The following SH3RF1 variants were observed in gnomAD, a reference collection of about 807,000 sequenced individuals.
SH3RF1 encodes SH3 domain containing ring finger 1.
A neutral mutation model predicts 74.0 loss-of-function variants in SH3RF1; 32 were observed. The ratio of observed to expected loss-of-function variants is 0.43; its 90% CI spans 0.33 to 0.58. SH3RF1 has a LOEUF of 0.58. Among genes scored for constraint, SH3RF1 ranks in the 20% least tolerant of loss-of-function variants. The pLI is 0.05. For synonymous variants in SH3RF1, 396 were observed against 439.6 expected, an observed-to-expected ratio of 0.90 and a Z score of 1.24; for missense variants, 954 against 1,130.9, an observed-to-expected ratio of 0.84 and a Z score of 2.24.
intron 2 of SH3RF1, among the ~76,000 whole-genome samples, chr4:169,246,941 G>A (rs1273639484): frequency 2.0e-5 from 3 of 152,246 alleles, no homozygotes; most frequent in East Asian, 1.9e-4. Context: ...AAAGAGGAAG[G>A]GGGAAGCAAT....
At chr4:169,258,789 A>C (rs1731229720) in intron 2 of SH3RF1, among the ~76,000 whole-genome samples, 1 of 152,196 alleles carries the variant, frequency 6.6e-6, no homozygotes, top group Non-Finnish European at 1.5e-5. Flanking sequence ...GTTTTTAAAA[A>C]CTTTTAAAGT....
At position 169,094,415 on chromosome 4, in the gene SH3RF1, T is replaced by C. The variant is rs1210581329; in HGVS notation, c.*2104A>G. On this transcript the variant is annotated 3_prime_UTR_variant, in exon 12 of 12. Transcript: ENST00000284637. Reference sequence around the variant, plus strand: ...CCCTCTACTGTCTGCAAAAAACCAATAGAAAACCCATACATTATATTACCT... The same window carrying C: ...CCCTCTACTGTCTGCAAAAAACCAACAGAAAACCCATACATTATATTACCT... 1 of 152,048 alleles carries C rather than the reference T, an allele frequency of 6.6e-6. No homozygotes were observed. Among genetic ancestry groups the C allele is most frequent in the Non-Finnish European group, 1.5e-5 (1 of 68,012 alleles). 9.4% of individuals were successfully genotyped at this position (152,048 alleles called of 1,614,324 possible).
Position 169,174,756 on chromosome 4 carries a change from C to T in SH3RF1, c.394-18077G>A, listed in dbSNP as rs569369896. Among the ~76,000 whole-genome samples, 59 of 152,174 alleles carry T rather than the reference C, an allele frequency of 3.9e-4. 1 individual carries two copies. The South Asian group carries it at 0.011, about 28-fold the overall frequency. ...TCTTTTAAAGTTTTCTAAAGCCCCA[C>T]CCCAAACCAATTAAATAAAAATCTC... is the stretch of plus-strand genomic sequence containing the variant. On this transcript the variant is annotated intron_variant, in intron 2 of 11. Coordinates refer to ENST00000284637, the MANE Select transcript of SH3RF1 (RefSeq NM_020870.4).
chr4:169,134,038 A>G lies in SH3RF1; in HGVS notation c.1068+2280T>C, dbSNP rs560172029. 9.1e-4 allele frequency among the ~76,000 whole-genome samples: 138 copies of G among 152,280 alleles called. 1 individual carries two copies. The highest frequency in any genetic ancestry group is 3.2e-3 in the African/African-American group (135 of 41,554). On this transcript the variant is annotated intron_variant, in intron 5 of 11. Coordinates refer to ENST00000284637, the MANE Select transcript of SH3RF1 (RefSeq NM_020870.4). The stretch of plus-strand genomic sequence containing the variant: ...AAATGCTACACATGCTCAATGCTCT[A>G]TTGTGGCCTGGGGTGCCCTCCAATG...
chr4:169,222,994 C>T lies in SH3RF1; in HGVS notation c.393+45826G>A, dbSNP rs560131804. On this transcript the variant is annotated intron_variant, in intron 2 of 11. Coordinates refer to ENST00000284637, the MANE Select transcript of SH3RF1 (RefSeq NM_020870.4). Reference sequence around the variant, plus strand: ...ACCATGTGGCACCCCTCGTGGTTTGCCCAGCTGCAGCTCTTCACAAGGCGG... The same window carrying T: ...ACCATGTGGCACCCCTCGTGGTTTGTCCAGCTGCAGCTCTTCACAAGGCGG... 3.3e-5 allele frequency among the ~76,000 whole-genome samples: 5 copies of T among 152,282 alleles called. No homozygotes were observed. The South Asian group carries it at 6.2e-4, about 19-fold the overall frequency.
At chr4:169,192,842 A>AT (rs1734748206) in intron 2 of SH3RF1, among the ~76,000 whole-genome samples, 1 of 148,154 alleles carries the variant, frequency 6.7e-6, no homozygotes, top group Admixed American at 6.8e-5. Context: ...TATAGATGTG[A>AT]TATATATATC....
chr4:169,187,532 GTGTGTGTGTGTGT>G (rs1470133467), intron 2 of SH3RF1, among the ~76,000 whole-genome samples: 5 of 121,770 alleles, frequency 4.1e-5, no homozygotes, highest in African/African-American at 1.7e-4. Context: ...GTGTGTGTGT[GTGTGTGTGTGTGT>G]GTGTGTGTGT....
intron 2 of SH3RF1, among the ~76,000 whole-genome samples, chr4:169,243,400 C>T (rs931361464): frequency 1.3e-5 from 2 of 152,216 alleles, no homozygotes; most frequent in African/African-American, 4.8e-5. Flanking sequence ...GTAATCCCAG[C>T]TACTCAGGAT....
Position 169,096,654 on chromosome 4 carries a change from A to C in SH3RF1, c.2532T>G (p.Ser844Arg). ...CTTCTTTAAGTTCAAGTTCTGCCTC[A>C]CTCTGAGGAGGATAGGAAACCACCA... ...HRVVVSYPPQ[S>R]EAELELKEGD... The change falls in exon 12 of 12, where the codon AGT becomes AGG. Residue 844 changes from serine (S) to arginine (R), a missense_variant. Physicochemically the swap from Ser to Arg is moderately radical, Grantham distance 110. Coordinates refer to ENST00000284637, the MANE Select transcript of SH3RF1 (RefSeq NM_020870.4). 1 of 1,614,052 alleles carries C rather than the reference A, an allele frequency of 6.2e-7. No homozygotes were observed. The highest frequency in any genetic ancestry group is 8.5e-7 in the Non-Finnish European group (1 of 1,179,994).
intron 2 of SH3RF1, among the ~76,000 whole-genome samples, chr4:169,161,429 G>T (rs1326669895): frequency 6.6e-6 from 1 of 152,074 alleles, no homozygotes; most frequent in African/African-American, 2.4e-5. Flanking sequence ...AAATATTTTT[G>T]ATTAAATGCT....
intron 2 of SH3RF1, among the ~76,000 whole-genome samples, chr4:169,214,516 G>T (rs538952519): frequency 6.6e-6 from 1 of 152,140 alleles, no homozygotes; most frequent in Admixed American, 6.6e-5. Context: ...AGATCAAGTT[G>T]GGAAAAAAAC....
At chr4:169,178,814 C>A (rs1734464155) in intron 2 of SH3RF1, among the ~76,000 whole-genome samples, 1 of 152,202 alleles carries the variant, frequency 6.6e-6, no homozygotes, top group Non-Finnish European at 1.5e-5. Context: ...AGATCCAGAT[C>A]AACACAAACT....
chr4:169,132,628 T>C (rs1291701590), intron 5 of SH3RF1, among the ~76,000 whole-genome samples: 4 of 145,596 alleles, frequency 2.7e-5, no homozygotes, highest in Non-Finnish European at 5.9e-5. Context: ...CCTTTTCTCA[T>C]GGAACTGCAA....
chr4:169,225,634 T>A (rs1345078527), intron 2 of SH3RF1, among the ~76,000 whole-genome samples: 1 of 152,132 alleles, frequency 6.6e-6, no homozygotes, highest in African/African-American at 2.4e-5. Flanking sequence ...GTGACTGCAA[T>A]GTTAAAGGAA....
chr4:169,207,377 T>C (rs1257924681), intron 2 of SH3RF1, among the ~76,000 whole-genome samples: 2 of 152,214 alleles, frequency 1.3e-5, no homozygotes, highest in African/African-American at 2.4e-5. Context: ...CAGTGAGCCA[T>C]GATCGTGCCA....
intron 2 of SH3RF1, among the ~76,000 whole-genome samples, chr4:169,199,999 T>C (rs1223644828): frequency 6.6e-6 from 1 of 152,032 alleles, no homozygotes; most frequent in Non-Finnish European, 1.5e-5. Flanking sequence ...CAGGCAAATA[T>C]GAACCTAAAT....
chr4:169,230,153 A>G (rs1730712485), intron 2 of SH3RF1, among the ~76,000 whole-genome samples: 1 of 152,182 alleles, frequency 6.6e-6, no homozygotes, highest in Non-Finnish European at 1.5e-5. Flanking sequence ...GCAGTGAGCC[A>G]AGATCACGCT....
chr4:169,143,499 C>G (rs1335291042), intron 4 of SH3RF1, among the ~76,000 whole-genome samples: 1 of 152,028 alleles, frequency 6.6e-6, no homozygotes, highest in African/African-American at 2.4e-5. Context: ...AGCTGCAACA[C>G]AGGGTGGCTG....
intron 4 of SH3RF1, among the ~76,000 whole-genome samples, chr4:169,152,100 C>T (rs1242630837): frequency 6.6e-6 from 1 of 152,106 alleles, no homozygotes; most frequent in South Asian, 2.1e-4. Flanking sequence ...CCCTTTTATA[C>T]ATATCATGGC....
Sources: allele counts gnomAD v4.1 joint callset (sites outside exome capture counted in the v4.1 genomes callset), GRCh38; gene constraint gnomAD v4.1.1; transcripts MANE v1.5; gene names NCBI Gene and HGNC (gene_info 2026-07-23, HGNC 2026-07-21).